Variants in SLC26A7 observed in about 807,000 individuals in gnomAD.
The protein encoded by SLC26A7 is solute carrier family 26 member 7, also known as anion exchange transporter.
Under a neutral mutation model 82.5 loss-of-function variants are expected in SLC26A7, and 59 were observed. The ratio of observed to expected loss-of-function variants is 0.72; its 90% CI spans 0.58 to 0.89. The LOEUF is 0.89. Among genes scored for constraint, SLC26A7 ranks in the 40% least tolerant of loss-of-function variants. The pLI is 0.00. For missense variants in SLC26A7, 820 were observed against 793.0 expected (o/e 1.03, Z -0.41); for synonymous variants, 271 against 274.3 (o/e 0.99, Z 0.12).
At chr8:91,256,472 G>C (rs1490151184) in intron 2 of SLC26A7, among the ~76,000 whole-genome samples, 2 of 152,142 alleles carry the variant, frequency 1.3e-5, no homozygotes, top group African/African-American at 4.8e-5. Flanking sequence ...AATGACCTGA[G>C]TGGTCAGTCT....
chr8:91,344,714 C>A lies in SLC26A7; in HGVS notation c.1140+1248C>A, dbSNP rs567747873. ...TCATCAGCTAAGAAGTAAAATCCTC[C>A]TCCGACCTTGGTTTATATGACACAA... On this transcript the variant is annotated intron_variant, in intron 9 of 18. Transcript: ENST00000276609. Among the ~76,000 whole-genome samples, 54 of 152,266 alleles carry A rather than the reference C, an allele frequency of 3.5e-4. 1 individual carries two copies. The South Asian group carries it at 0.011, about 30-fold the overall frequency.
chr8:91,252,252 A>G (rs1210707396), intron 2 of SLC26A7, among the ~76,000 whole-genome samples: 1 of 152,060 alleles, frequency 6.6e-6, no homozygotes, highest in African/African-American at 2.4e-5. Flanking sequence ...GTTTCAATCT[A>G]GTAGTTGTTT....
intron 15 of SLC26A7, among the ~76,000 whole-genome samples, chr8:91,372,046 G>A (rs184130778): frequency 8.8e-4 from 134 of 152,124 alleles, no homozygotes; most frequent in African/African-American, 2.6e-3. Flanking sequence ...TTTGAGAAGT[G>A]TCTGTTAATG....
rs754316565 is a variant in SLC26A7, at chr8:91,295,706, A to G, written c.477+3A>G. On this transcript the variant is annotated splice_donor_region_variant and intron_variant, in intron 4 of 18. Coordinates refer to ENST00000276609, the MANE Select transcript of SLC26A7 (RefSeq NM_052832.4). ...CCTTCTTGGGAGGTGTGATTCAGGT[A>G]AGTGATACTGACACTTGAGCACAAA... The G allele has an allele frequency of 5.0e-6, 8 of 1,613,430 alleles. No homozygotes were observed. The highest frequency in any genetic ancestry group is 6.8e-6 in the Non-Finnish European group (8 of 1,179,762).
Position 91,214,038 on chromosome 8 carries a change from T to C in SLC26A7, c.-150+4496T>C, listed in dbSNP as rs1269344387. Among the ~76,000 whole-genome samples the C allele has an allele frequency of 3.3e-5, 5 of 152,192 alleles. No individual in the cohort carries two copies. The East Asian group carries it at 9.7e-4, about 29-fold the overall frequency. ...TATATGTGTTCGTGTGTGTGTGTTT[T>C]AGAAAGAGTCACTTGGCAATAGTGT... On this transcript the variant is annotated intron_variant, in intron 1 of 5. Transcript: ENST00000522862.
intron 2 of SLC26A7, among the ~76,000 whole-genome samples, chr8:91,243,079 G>A (rs1586315577): frequency 6.6e-6 from 1 of 152,252 alleles, no homozygotes; most frequent in East Asian, 1.9e-4. Flanking sequence ...GTGCGGTAAT[G>A]TTTATGCTTT....
upstream of SLC26A7, among the ~76,000 whole-genome samples, chr8:91,246,615 G>A (rs1031292208): frequency 1.3e-4 from 19 of 151,990 alleles, no homozygotes; most frequent in African/African-American, 2.9e-4. Flanking sequence ...CAGGAGAATC[G>A]CTTGAACCTG....
chr8:91,219,515 AT>A (rs1195591045), intron 2 of SLC26A7, among the ~76,000 whole-genome samples: 4 of 151,570 alleles, frequency 2.6e-5, no homozygotes, highest in Non-Finnish European at 1.5e-5. Flanking sequence ...ACTGTTTTTA[AT>A]TTTTTTTTCT....
chr8:91,365,250 T>C (rs1814160238), intron 13 of SLC26A7, among the ~76,000 whole-genome samples: 1 of 152,242 alleles, frequency 6.6e-6, no homozygotes, highest in Non-Finnish European at 1.5e-5. Context: ...TGGGCCACAC[T>C]GGAAGAAGAA....
chr8:91,273,693 T>C (rs985946056), intron 2 of SLC26A7, among the ~76,000 whole-genome samples: 1 of 152,166 alleles, frequency 6.6e-6, no homozygotes, highest in African/African-American at 2.4e-5. Context: ...TTCAGGAAGG[T>C]AGGCAACTTG....
At chr8:91,211,618 T>TATATATATA (rs1282294122) in intron 1 of SLC26A7, among the ~76,000 whole-genome samples, 1 of 125,084 alleles carries the variant, frequency 8.0e-6, no homozygotes, top group Non-Finnish European at 1.8e-5. Flanking sequence ...ATATATATAT[T>TATATATATA]TTTTTTTTAT....
At chr8:91,337,940 C>T (rs1813290519) in intron 6 of SLC26A7, among the ~76,000 whole-genome samples, 1 of 67,190 alleles carries the variant, frequency 1.5e-5, no homozygotes, top group African/African-American at 3.7e-5. Flanking sequence ...ATTGGGATGT[C>T]ATCTAATTTG....
chr8:91,284,261 C>G (rs753895387), intron 2 of SLC26A7, among the ~76,000 whole-genome samples: 41 of 152,102 alleles, frequency 2.7e-4, no homozygotes, highest in Non-Finnish European at 5.4e-4. Flanking sequence ...TGTTCTTATT[C>G]CCCAAAAATG....
intron 2 of SLC26A7, among the ~76,000 whole-genome samples, chr8:91,276,400 A>C (rs900514257): frequency 1.3e-5 from 2 of 152,126 alleles, no homozygotes; most frequent in African/African-American, 2.4e-5. Flanking sequence ...CTTTTCAAAG[A>C]AGTCATTGAT....
rs144064801 is a variant in SLC26A7 at position 91,295,357 on chromosome 8, C to T, written c.305-174C>T. On this transcript the variant is annotated intron_variant, in intron 3 of 18. Coordinates refer to ENST00000276609, the MANE Select transcript of SLC26A7 (RefSeq NM_052832.4). ...ATAAGCATATATGGAGGTAAGTTTC[C>T]ATTTCATCCATGGAGAGAGGTGAAG... Among the ~76,000 whole-genome samples the T allele has an allele frequency of 1.5e-3, 233 of 152,272 alleles. 2 individuals carry two copies. The highest frequency in any genetic ancestry group is 5.3e-3 in the African/African-American group (219 of 41,536).
chr8:91,236,033 C>A (rs936501136), intron 2 of SLC26A7, among the ~76,000 whole-genome samples: 4 of 152,158 alleles, frequency 2.6e-5, no homozygotes, highest in African/African-American at 9.7e-5. Context: ...TCTCTCATCT[C>A]TTCGAAAAGC....
intron 16 of SLC26A7, among the ~76,000 whole-genome samples, chr8:91,392,060 T>C (rs1334643935): frequency 6.6e-6 from 1 of 152,148 alleles, no homozygotes; most frequent in Non-Finnish European, 1.5e-5. Flanking sequence ...TCATTCATCT[T>C]AGTGGTTTTA....
At chr8:91,370,827 G>A (rs1814337853) in intron 15 of SLC26A7, among the ~76,000 whole-genome samples, 1 of 151,840 alleles carries the variant, frequency 6.6e-6, no homozygotes, top group African/African-American at 2.4e-5. Context: ...ATTCATAATT[G>A]TGACTTTTAT....
At chr8:91,303,958 A>G (rs1812234978) in intron 4 of SLC26A7, among the ~76,000 whole-genome samples, 1 of 152,198 alleles carries the variant, frequency 6.6e-6, no homozygotes, top group Non-Finnish European at 1.5e-5. Flanking sequence ...TTTAATCTAA[A>G]TCTTTCCATC....
Sources: gnomAD v4.1 joint callset for allele counts (sites outside exome capture counted in the v4.1 genomes callset) on GRCh38, gnomAD v4.1.1 for gene constraint, MANE v1.5 for transcripts, NCBI Gene and HGNC (gene_info 2026-07-23, HGNC 2026-07-21) for gene names.